CA10: variants seen among roughly 807,000 people sequenced by gnomAD.
CA10 encodes carbonic anhydrase 10 (inactive).
A neutral mutation model predicts 44.2 loss-of-function variants in CA10; 14 were observed. The observed-to-expected ratio is 0.32, with a 90% CI of 0.21 to 0.50. CA10 has a LOEUF of 0.50. Ranked by LOEUF, CA10 falls within the 20% of genes least tolerant of loss-of-function variation. The pLI is 0.99. For missense variants in CA10, 350 were observed against 409.7 expected (o/e 0.85, Z 1.26); for synonymous variants, 159 against 141.6 (o/e 1.12, Z -0.87).
intron 4 of CA10, among the ~76,000 whole-genome samples, chr17:51,707,409 C>T (rs1200151773): frequency 3.9e-5 from 6 of 152,128 alleles, no homozygotes; most frequent in African/African-American, 1.4e-4. Context: ...GAGTCAGAAT[C>T]TGATAAGGTA....
intron 4 of CA10, among the ~76,000 whole-genome samples, chr17:51,681,378 C>T (rs1442460540): frequency 2.6e-5 from 4 of 152,114 alleles, no homozygotes; most frequent in Non-Finnish European, 5.9e-5. Context: ...ATCAGAATAG[C>T]AGGTGGGAAA....
rs562702576 is a variant in CA10, at chr17:52,087,979, C to T, written c.62-15586G>A. 2.5e-3 allele frequency among the ~76,000 whole-genome samples: 374 copies of T among 152,144 alleles called. 2 individuals carry two copies. The highest frequency in any genetic ancestry group is 8.5e-3 in the African/African-American group (354 of 41,510). On this transcript the variant is annotated intron_variant, in intron 1 of 8. Coordinates refer to ENST00000451037, the MANE Select transcript of CA10 (RefSeq NM_020178.5). ...AAGGCCATTATCCTTAGTCATAGGA[C>T]CAGAACACCAAATACCACATGTTTT...
intron 3 of CA10, among the ~76,000 whole-genome samples, chr17:51,829,920 C>T (rs1028825885): frequency 1.3e-5 from 2 of 152,020 alleles, no homozygotes; most frequent in African/African-American, 2.4e-5. Context: ...CTCAAAAGGC[C>T]GGGCGCGGTG....
chr17:51,975,001 T>C (rs1326589373), intron 2 of CA10, among the ~76,000 whole-genome samples: 1 of 152,116 alleles, frequency 6.6e-6, no homozygotes, highest in African/African-American at 2.4e-5. Flanking sequence ...GCACAAGAAA[T>C]GGTAAAATGT....
At chr17:51,713,494 G>C (rs887020181) in intron 4 of CA10, among the ~76,000 whole-genome samples, 2 of 152,106 alleles carry the variant, frequency 1.3e-5, no homozygotes, top group South Asian at 2.1e-4. Context: ...TACAAATTTT[G>C]GTTCTATATC....
chr17:51,809,008 C>T (rs1452563185), intron 3 of CA10, among the ~76,000 whole-genome samples: 1 of 151,610 alleles, frequency 6.6e-6, no homozygotes, highest in Non-Finnish European at 1.5e-5. Context: ...TTACTAATAA[C>T]TTTATAGCTT....
At chr17:51,904,689 G>A (rs529819624) in intron 3 of CA10, among the ~76,000 whole-genome samples, 2 of 152,224 alleles carry the variant, frequency 1.3e-5, no homozygotes, top group East Asian at 1.9e-4. Flanking sequence ...TTAAGTTCAT[G>A]CCCAAGAGGG....
chr17:52,047,559 A>G (rs1011175955), intron 2 of CA10, among the ~76,000 whole-genome samples: 3 of 152,042 alleles, frequency 2.0e-5, no homozygotes, highest in African/African-American at 7.2e-5. Flanking sequence ...TGAAAGTTCA[A>G]TTTTAAGAAA....
chr17:51,802,407 CAT>C lies in CA10; in HGVS notation c.280-54591_280-54590del, dbSNP rs1906966403. On this transcript the variant is annotated intron_variant, in intron 3 of 8. Coordinates refer to ENST00000451037, the MANE Select transcript of CA10 (RefSeq NM_020178.5). ...CTCTCCAAAAAGGCTTTGTCTAACT[CAT>C]GTGATCTTCATAAATGCCTGGCAGA... Among the ~76,000 whole-genome samples, 3 of 151,988 alleles carry C rather than the reference CAT, an allele frequency of 2.0e-5. No individual in the cohort carries two copies. In the South Asian group the frequency reaches 6.2e-4, roughly 32 times the overall value.
At chr17:51,754,964 AT>A (rs1905034179) in intron 3 of CA10, among the ~76,000 whole-genome samples, 1 of 151,880 alleles carries the variant, frequency 6.6e-6, no homozygotes, top group Non-Finnish European at 1.5e-5. Context: ...ATCTGTATAT[AT>A]TATATATACA....
In CA10 at chr17:51,898,186, G is replaced by A. The variant is rs185946402; in HGVS notation, c.279+32804C>T. 2.9e-4 allele frequency among the ~76,000 whole-genome samples: 44 copies of A among 152,202 alleles called. 1 individual carries two copies. The highest frequency in any genetic ancestry group is 1.0e-3 in the African/African-American group (42 of 41,540). ...CTTCCAGCTTTTGCATTTTCAGTAC[G>A]ATGTTGGCTGTGGGTTTGTCATAAG... is the stretch of plus-strand genomic sequence containing the variant. On this transcript the variant is annotated intron_variant, in intron 3 of 8. Coordinates refer to ENST00000451037, the MANE Select transcript of CA10 (RefSeq NM_020178.5).
At chr17:52,147,523 A>C (rs1989615219) in intron 1 of CA10, among the ~76,000 whole-genome samples, 1 of 151,944 alleles carries the variant, frequency 6.6e-6, no homozygotes, top group Non-Finnish European at 1.5e-5. Flanking sequence ...ACTAACTTAT[A>C]CACTTAAAAT....
At chr17:51,801,226 C>T (rs996820392) in intron 3 of CA10, among the ~76,000 whole-genome samples, 1 of 152,182 alleles carries the variant, frequency 6.6e-6, no homozygotes, top group Admixed American at 6.5e-5. Context: ...AAACCACACA[C>T]ATGTTCACTT....
chr17:52,062,854 A>G (rs575988957), intron 2 of CA10, among the ~76,000 whole-genome samples: 7 of 152,364 alleles, frequency 4.6e-5, no homozygotes, highest in Admixed American at 2.6e-4. Flanking sequence ...GGCAGTGCCC[A>G]GGGGAGCTGT....
At chr17:52,066,850 T>C (rs1987550625) in intron 2 of CA10, among the ~76,000 whole-genome samples, 2 of 152,162 alleles carry the variant, frequency 1.3e-5, no homozygotes, top group Non-Finnish European at 2.9e-5. Flanking sequence ...AGAAATGATG[T>C]AGGGTATCTG....
intron 2 of CA10, among the ~76,000 whole-genome samples, chr17:52,036,096 G>A (rs1358869205): frequency 1.3e-5 from 2 of 152,130 alleles, no homozygotes; most frequent in Admixed American, 6.5e-5. Flanking sequence ...CATTTCCCAC[G>A]AGTTCCCAGA....
intron 2 of CA10, among the ~76,000 whole-genome samples, chr17:52,054,744 G>A (rs963468973): frequency 1.8e-4 from 27 of 151,842 alleles, no homozygotes; most frequent in African/African-American, 5.6e-4. Context: ...AAGAACTTAC[G>A]TGAAATATCG....
chr17:52,097,388 A>G (rs927999615), intron 1 of CA10, among the ~76,000 whole-genome samples: 2 of 152,194 alleles, frequency 1.3e-5, no homozygotes, highest in African/African-American at 2.4e-5. Flanking sequence ...TCTTGTTTAT[A>G]TATTTTGTAC....
At chr17:52,010,917 A>C (rs2144135204) in intron 2 of CA10, among the ~76,000 whole-genome samples, 1 of 148,972 alleles carries the variant, frequency 6.7e-6, no homozygotes, top group African/African-American at 2.5e-5. Flanking sequence ...AATGAAGTCA[A>C]GTTTCAGCAA....
Sources: allele counts gnomAD v4.1 joint callset (sites outside exome capture counted in the v4.1 genomes callset), GRCh38; gene constraint gnomAD v4.1.1; transcripts MANE v1.5; gene names NCBI Gene and HGNC (gene_info 2026-07-23, HGNC 2026-07-21).